CDH12: variants seen among roughly 807,000 people sequenced by gnomAD.
CDH12 encodes cadherin 12, also known as cadherin-12.
In CDH12, 41 loss-of-function variants were observed where a neutral mutation model predicts 74.1. The ratio of observed to expected loss-of-function variants is 0.55; its 90% CI spans 0.43 to 0.72. CDH12 has a LOEUF of 0.72. Among genes scored for constraint, CDH12 ranks in the 30% least tolerant of loss-of-function variants. The pLI is 0.00. For missense variants in CDH12, 945 were observed against 977.2 expected (o/e 0.97, Z 0.44); for synonymous variants, 399 against 355.0 (o/e 1.12, Z -1.39).
chr5:21,785,531 G>A (rs988107579), intron 10 of CDH12, among the ~76,000 whole-genome samples: 2 of 152,216 alleles, frequency 1.3e-5, no homozygotes, highest in South Asian at 2.1e-4. Flanking sequence ...TGCTACTCCA[G>A]TGAAGACAGG....
intron 4 of CDH12, among the ~76,000 whole-genome samples, chr5:22,103,573 C>T (rs1333590648): frequency 6.6e-6 from 1 of 152,180 alleles, no homozygotes; most frequent in Non-Finnish European, 1.5e-5. Flanking sequence ...ATCCTTATCG[C>T]TTCTTATGCA....
chr5:22,315,205 G>T (rs1303753079), intron 3 of CDH12, among the ~76,000 whole-genome samples: 2 of 139,990 alleles, frequency 1.4e-5, no homozygotes, highest in Admixed American at 1.6e-4. Context: ...CTTGTGATCT[G>T]CCCGCCTCGG....
chr5:22,002,295 T>C (rs1253193478), intron 5 of CDH12, among the ~76,000 whole-genome samples: 3 of 152,128 alleles, frequency 2.0e-5, no homozygotes, highest in African/African-American at 7.2e-5. Context: ...TTGTAAAACA[T>C]TTTAAAAAGA....
Position 22,511,441 on chromosome 5 carries a change from GA to G in CDH12, c.-522-6078del, listed in dbSNP as rs377329788. On this transcript the variant is annotated intron_variant, in intron 1 of 14. Transcript: ENST00000382254. ...TCTATAAATGGAATATTTACAAAAAGAAAAAAACAGGACTTCTAAAAAGCAT... is the reference window on the plus strand; with the variant it reads ...TCTATAAATGGAATATTTACAAAAAGAAAAAACAGGACTTCTAAAAAGCAT... Among the ~76,000 whole-genome samples the G allele has an allele frequency of 5.3e-5, 8 of 151,502 alleles. No individual in the cohort carries two copies. The East Asian group carries it at 5.8e-4, about 11-fold the overall frequency.
At chr5:22,192,696 G>A (rs1750378543) in intron 4 of CDH12, among the ~76,000 whole-genome samples, 2 of 152,194 alleles carry the variant, frequency 1.3e-5, no homozygotes, top group East Asian at 1.9e-4. Flanking sequence ...ATAAGCTGGG[G>A]GGATGTCAGA....
chr5:22,295,631 G>T (rs149575366), intron 3 of CDH12, among the ~76,000 whole-genome samples: 169 of 151,834 alleles, frequency 1.1e-3, no homozygotes, highest in Middle Eastern at 6.8e-3. Context: ...GAACAAATAT[G>T]TGTTACATCT....
intron 6 of CDH12, among the ~76,000 whole-genome samples, chr5:21,892,806 A>C (rs112486035): frequency 0.042 from 6,436 of 152,272 alleles, 182 homozygotes; most frequent in Non-Finnish European, 0.062. Flanking sequence ...CAAAAGCATG[A>C]TATCCATCTC....
intron 1 of CDH12, among the ~76,000 whole-genome samples, chr5:22,822,338 T>C (rs891156535): frequency 6.6e-6 from 1 of 152,076 alleles, no homozygotes; most frequent in Non-Finnish European, 1.5e-5. Context: ...ACTTCATGTC[T>C]AAAACACCAA....
intron 1 of CDH12, among the ~76,000 whole-genome samples, chr5:22,548,898 C>T (rs73742115): frequency 6.6e-6 from 1 of 151,940 alleles, no homozygotes; most frequent in Non-Finnish European, 1.5e-5. Flanking sequence ...AGAATTGTCA[C>T]CCCTCAAAAC....
intron 12 of CDH12, among the ~76,000 whole-genome samples, chr5:21,763,689 A>G (rs1205187968): frequency 6.6e-6 from 1 of 152,188 alleles, no homozygotes; most frequent in East Asian, 1.9e-4. Flanking sequence ...TCATATATCC[A>G]TGCCTGATTC....
At chr5:21,861,613 ACC>A in intron 6 of CDH12, among the ~76,000 whole-genome samples, 2 of 152,082 alleles carry the variant, frequency 1.3e-5, no homozygotes, top group East Asian at 3.9e-4. Context: ...ACAATTTTTA[ACC>A]AATTTCCTTT....
At chr5:21,841,870 A>T (rs13155619) in intron 8 of CDH12, among the ~76,000 whole-genome samples, 1 of 58,344 alleles carries the variant, frequency 1.7e-5, no homozygotes. Context: ...GGGTGGGGGG[A>T]GGGGGGAGGG....
At chr5:22,541,302 C>T (rs570985285) in intron 1 of CDH12, among the ~76,000 whole-genome samples, 1 of 152,330 alleles carries the variant, frequency 6.6e-6, no homozygotes, top group African/African-American at 2.4e-5. Context: ...CTCTTCATTT[C>T]AGGCTCTTGC....
intron 3 of CDH12, among the ~76,000 whole-genome samples, chr5:22,403,753 A>C (rs754916552): frequency 1.3e-5 from 2 of 152,172 alleles, no homozygotes; most frequent in Non-Finnish European, 2.9e-5. Flanking sequence ...TGCTAGTATA[A>C]AATAAGAAAC....
intron 2 of CDH12, among the ~76,000 whole-genome samples, chr5:22,460,568 C>A (rs918926233): frequency 2.6e-5 from 4 of 152,180 alleles, no homozygotes; most frequent in African/African-American, 9.6e-5. Context: ...GGGATCTAAC[C>A]TTTTCACTTA....
intron 1 of CDH12, among the ~76,000 whole-genome samples, chr5:22,697,247 G>A (rs1742417972): frequency 6.6e-6 from 1 of 152,112 alleles, no homozygotes; most frequent in Non-Finnish European, 1.5e-5. Flanking sequence ...TGTTGCAGGT[G>A]AGGTTCAGAG....
At chr5:21,776,258 C>T (rs1216024150) in intron 11 of CDH12, among the ~76,000 whole-genome samples, 2 of 152,186 alleles carry the variant, frequency 1.3e-5, no homozygotes, top group Non-Finnish European at 1.5e-5. Context: ...ATCTTGCTAT[C>T]AACCACTGAG....
chr5:21,904,249 T>A (rs1048629808), intron 6 of CDH12, among the ~76,000 whole-genome samples: 11 of 152,158 alleles, frequency 7.2e-5, no homozygotes, highest in African/African-American at 2.4e-4. Context: ...CTACCATGCA[T>A]CCTGTTGCAG....
chr5:22,183,730 C>T (rs1487528504), intron 4 of CDH12, among the ~76,000 whole-genome samples: 2 of 152,070 alleles, frequency 1.3e-5, no homozygotes, highest in African/African-American at 4.8e-5. Flanking sequence ...CACTCATACC[C>T]ACAGGACACA....
Sources: allele counts gnomAD v4.1 joint callset (sites outside exome capture counted in the v4.1 genomes callset), GRCh38; gene constraint gnomAD v4.1.1; transcripts MANE v1.5; gene names NCBI Gene and HGNC (gene_info 2026-07-23, HGNC 2026-07-21).